The following SLC10A7 variants were observed in gnomAD, a reference collection of about 807,000 sequenced individuals.
SLC10A7 encodes the protein solute carrier family 10 member 7.
SLC10A7 carries 29 observed loss-of-function variants against 43.2 expected under a neutral mutation model. That is an observed-to-expected ratio of 0.67 (90% CI 0.50 to 0.92). The LOEUF (loss-of-function observed/expected upper bound fraction) is 0.92. SLC10A7 is among the 40% of genes least tolerant of loss of function. SLC10A7 has a pLI of 0.00. For missense variants in SLC10A7, 295 were observed against 403.2 expected, an observed-to-expected ratio of 0.73 and a Z score of 2.30; for synonymous variants, 152 against 144.8, an observed-to-expected ratio of 1.05 and a Z score of -0.35.
chr4:146,278,058 A>G (rs1729319248), intron 10 of SLC10A7, among the ~76,000 whole-genome samples: 1 of 152,202 alleles, frequency 6.6e-6, no homozygotes, highest in South Asian at 2.1e-4. Flanking sequence ...TGGATCCAGT[A>G]AAGCAATTTT....
intron 5 of SLC10A7, among the ~76,000 whole-genome samples, chr4:146,411,056 G>A (rs370473859): frequency 2.0e-5 from 3 of 151,966 alleles, no homozygotes; most frequent in South Asian, 2.1e-4. Context: ...GGCTGGTTTC[G>A]AACTCCTGAC....
intron 4 of SLC10A7, among the ~76,000 whole-genome samples, chr4:146,493,497 AAAAG>A (rs1302696506): frequency 3.4e-4 from 51 of 152,166 alleles, no homozygotes; most frequent in African/African-American, 1.1e-3. Flanking sequence ...AAAAAAAAAA[AAAAG>A]AGAGAGAGGG....
chr4:146,485,025 A>G (rs1734791446), intron 4 of SLC10A7, among the ~76,000 whole-genome samples: 1 of 152,206 alleles, frequency 6.6e-6, no homozygotes, highest in Non-Finnish European at 1.5e-5. Flanking sequence ...TGTATAGACC[A>G]ATGTCAATGA....
intron 5 of SLC10A7, among the ~76,000 whole-genome samples, chr4:146,354,304 T>C (rs1049157599): frequency 2.0e-5 from 3 of 151,892 alleles, no homozygotes; most frequent in African/African-American, 4.8e-5. Context: ...TCAAACAGAA[T>C]AAAATAACTA....
intron 5 of SLC10A7, among the ~76,000 whole-genome samples, chr4:146,379,935 TTCTCTC>T (rs5862757): frequency 3.1e-4 from 46 of 146,474 alleles, no homozygotes; most frequent in African/African-American, 7.5e-4. Context: ...TGACAAATAA[TTCTCTC>T]TCTCTCTCTC....
At chr4:146,430,360 G>A (rs1350521815) in intron 5 of SLC10A7, among the ~76,000 whole-genome samples, 2 of 152,166 alleles carry the variant, frequency 1.3e-5, no homozygotes, top group Non-Finnish European at 2.9e-5. Context: ...ACAACATTGT[G>A]TGGATGACAA....
chr4:146,373,694 C>T (rs963241215), intron 5 of SLC10A7, among the ~76,000 whole-genome samples: 6 of 152,112 alleles, frequency 3.9e-5, no homozygotes, highest in African/African-American at 1.4e-4. Flanking sequence ...TAGAATCATG[C>T]AAGGAGATTT....
intron 5 of SLC10A7, among the ~76,000 whole-genome samples, chr4:146,362,421 TAC>T (rs1736108925): frequency 6.6e-6 from 1 of 152,076 alleles, no homozygotes; most frequent in Non-Finnish European, 1.5e-5. Context: ...ATGAAAACGT[TAC>T]AGGCCAGGAG....
At chr4:146,381,202 G>T (rs944568552) in intron 5 of SLC10A7, among the ~76,000 whole-genome samples, 1 of 152,118 alleles carries the variant, frequency 6.6e-6, no homozygotes, top group African/African-American at 2.4e-5. Flanking sequence ...TCTGACTCTG[G>T]TTTTCAGTCA....
intron 5 of SLC10A7, among the ~76,000 whole-genome samples, chr4:146,412,064 T>A (rs1728233451): frequency 6.6e-6 from 1 of 152,176 alleles, no homozygotes; most frequent in Non-Finnish European, 1.5e-5. Context: ...GTCAATACAC[T>A]TCATCTGCAT....
chr4:146,441,654 C>T (rs543803485), intron 5 of SLC10A7: 1 of 974,606 alleles, frequency 1.0e-6, no homozygotes, highest in East Asian at 1.1e-4. Context: ...ACTAAGCAAT[C>T]CGAGAGATTA....
chr4:146,465,396 C>A (rs548840882), intron 4 of SLC10A7, among the ~76,000 whole-genome samples: 1 of 152,184 alleles, frequency 6.6e-6, no homozygotes, highest in Non-Finnish European at 1.5e-5. Flanking sequence ...TTTACAGGCA[C>A]AATGTTATTC....
intron 5 of SLC10A7, among the ~76,000 whole-genome samples, chr4:146,407,204 C>T (rs1300128793): frequency 2.6e-5 from 4 of 152,148 alleles, no homozygotes; most frequent in East Asian, 1.9e-4. Context: ...AATCCTCTTT[C>T]ACAATATTTA....
rs561666701 is a variant in SLC10A7, at chr4:146,287,098, A to G, written c.774-3833T>C. On this transcript the variant is annotated intron_variant, in intron 9 of 11. Transcript: ENST00000335472. ...AAGGACTGTGTTTCGAGTGGTGAGA[A>G]GGACCGAGTCTGGAGTGGTGAGAAG... 1.5e-4 allele frequency among the ~76,000 whole-genome samples: 22 copies of G among 150,320 alleles called. 1 individual carries two copies. The highest frequency in any genetic ancestry group is 5.1e-4 in the African/African-American group (21 of 40,838).
intron 9 of SLC10A7, among the ~76,000 whole-genome samples, chr4:146,286,177 A>AGTTTGGAGTGGTGAGAAGGACCAT (rs1729916012): frequency 7.0e-6 from 1 of 141,996 alleles, no homozygotes; most frequent in East Asian, 2.1e-4. Context: ...AGAAGGACGG[A>AGTTTGGAGTGGTGAGAAGGACCAT]GTTTGGAGTG....
At chr4:146,354,429 G>C (rs1339195332) in intron 5 of SLC10A7, among the ~76,000 whole-genome samples, 12 of 151,954 alleles carry the variant, frequency 7.9e-5, no homozygotes, top group Admixed American at 7.9e-4. Flanking sequence ...CTAATGGGTA[G>C]GAAGAATCAA....
chr4:146,450,743 T>C (rs1731510283), intron 4 of SLC10A7, among the ~76,000 whole-genome samples: 1 of 152,114 alleles, frequency 6.6e-6, no homozygotes, highest in Non-Finnish European at 1.5e-5. Context: ...CCTACATGAC[T>C]CATGAATTTC....
chr4:146,520,732 C>T (rs567910254), intron 1 of SLC10A7, among the ~76,000 whole-genome samples: 2 of 152,166 alleles, frequency 1.3e-5, no homozygotes, highest in African/African-American at 4.8e-5. Context: ...GGTATTAAAC[C>T]TGTCAATAAG....
At chr4:146,261,881 G>C (rs761451756) in intron 10 of SLC10A7, among the ~76,000 whole-genome samples, 1 of 152,222 alleles carries the variant, frequency 6.6e-6, no homozygotes, top group African/African-American at 2.4e-5. Context: ...TCAATCACTC[G>C]CCAGGGGGAG....
Sources: allele counts gnomAD v4.1 joint callset (sites outside exome capture counted in the v4.1 genomes callset), GRCh38; gene constraint gnomAD v4.1.1; transcripts MANE v1.5; gene names NCBI Gene and HGNC (gene_info 2026-07-23, HGNC 2026-07-21).